CHD6: variants seen among roughly 807,000 people sequenced by gnomAD.
The protein encoded by CHD6 is ATP-dependent chromatin remodeler CHD6.
Under a neutral mutation model 276.9 loss-of-function variants are expected in CHD6, and 50 were observed. The ratio of observed to expected loss-of-function variants is 0.18; its 90% CI spans 0.14 to 0.23. CHD6 has a LOEUF of 0.23. Ranked by LOEUF, CHD6 falls within the 10% of genes least tolerant of loss-of-function variation. The probability of loss-of-function intolerance (pLI) is 1.00; values close to 1 mark genes in which losing one functional copy is unlikely to be tolerated. For missense variants in CHD6, 2,564 were observed against 3,365.8 expected (o/e 0.76, Z 5.89); for synonymous variants, 1,173 against 1,229.3 (o/e 0.95, Z 0.96).
chr20:41,419,589 A>AAAAAAAAAAAAAAAAC (rs2047119678), intron 31 of CHD6, among the ~76,000 whole-genome samples: 1 of 139,170 alleles, frequency 7.2e-6, no homozygotes, highest in South Asian at 2.3e-4. Context: ...AAAAAAAAAA[A>AAAAAAAAAAAAAAAAC]AAGGCTAGAT....
At chr20:41,409,892 T>C (rs532592426) in intron 36 of CHD6, among the ~76,000 whole-genome samples, 2 of 152,332 alleles carry the variant, frequency 1.3e-5, no homozygotes, top group South Asian at 4.1e-4. Context: ...AAAACCAATA[T>C]ATACATATGT....
chr20:41,519,380 G>T (rs1417433363), intron 3 of CHD6, among the ~76,000 whole-genome samples: 1 of 152,140 alleles, frequency 6.6e-6, no homozygotes, highest in African/African-American at 2.4e-5. Flanking sequence ...CTACTTACAG[G>T]AATGTAATCT....
chr20:41,433,998 A>C (rs2047624700), intron 27 of CHD6, among the ~76,000 whole-genome samples: 1 of 152,220 alleles, frequency 6.6e-6, no homozygotes, highest in Non-Finnish European at 1.5e-5. Flanking sequence ...AAACCAGAGG[A>C]AGGCAGGAAA....
At chr20:41,577,430 T>C (rs1222686965) in intron 1 of CHD6, among the ~76,000 whole-genome samples, 1 of 152,230 alleles carries the variant, frequency 6.6e-6, no homozygotes, top group Admixed American at 6.5e-5. Context: ...GCTACGTTTC[T>C]CTTGATTTTT....
intron 1 of CHD6, among the ~76,000 whole-genome samples, chr20:41,584,426 T>C (rs564246945): frequency 6.6e-6 from 1 of 152,272 alleles, no homozygotes; most frequent in South Asian, 2.1e-4. Flanking sequence ...CCATAGTGTG[T>C]AGAAAAAAAT....
chr20:41,568,461 TTAA>T (rs2045382943), intron 1 of CHD6, among the ~76,000 whole-genome samples: 1 of 152,172 alleles, frequency 6.6e-6, no homozygotes. Flanking sequence ...TTTGAGATAA[TTAA>T]TAAAAGAAAA....
At chr20:41,578,364 G>A (rs1395675669) in intron 1 of CHD6, among the ~76,000 whole-genome samples, 1 of 152,152 alleles carries the variant, frequency 6.6e-6, no homozygotes, top group Non-Finnish European at 1.5e-5. Flanking sequence ...AAAAGATATG[G>A]TGTATAGCGA....
chr20:41,448,143 T>A (rs1334173787), intron 23 of CHD6, among the ~76,000 whole-genome samples, 172 bp from the exon 24 acceptor site: 2 of 152,168 alleles, frequency 1.3e-5, no homozygotes, highest in African/African-American at 2.4e-5. Flanking sequence ...ATTATTATGA[T>A]CATTCCTATT....
chr20:41,598,870 T>C (rs2045745788), intron 1 of CHD6, among the ~76,000 whole-genome samples: 1 of 152,158 alleles, frequency 6.6e-6, no homozygotes, highest in Non-Finnish European at 1.5e-5. Context: ...GGGCAACACT[T>C]GCGCCCTAAT....
In CHD6 at chr20:41,493,862, C is replaced by T; in HGVS notation, c.1175G>A (p.Gly392Glu). The T allele has an allele frequency of 6.2e-7, 1 of 1,613,272 alleles. No individual in the cohort carries two copies. Among genetic ancestry groups the T allele is most frequent in the Non-Finnish European group, 8.5e-7 (1 of 1,179,386 alleles). ...TCAGGAGAGGCAAATACCCACCTCC[C>T]CTGTTTCTGCATCCTTGGTGTGGGC... ...EVAHTKDAETGEEVTHYLVKW... is the reference protein window; with the variant it reads ...EVAHTKDAETEEEVTHYLVKW... Residue 392 changes from glycine to glutamate, a missense_variant, in exon 9 of 37, where the codon GGG becomes GAG. Around this residue, in one of 7 missense-constraint regions of CHD6, gnomAD observed 457 missense variants for 889.0 expected, o/e 0.51. Transcript: ENST00000373233.
Position 41,437,343 on chromosome 20 carries a change from A to G in CHD6, c.4008-9T>C. On this transcript the variant is annotated splice_polypyrimidine_tract_variant and intron_variant, in intron 26 of 36. Coordinates refer to ENST00000373233, the MANE Select transcript of CHD6 (RefSeq NM_032221.5). The stretch of plus-strand genomic sequence containing the variant: ...CTTTATCTGTGTTGCCTCTAAATAA[A>G]AGTAAAAAAAGGCATCACATACTAC... 6.2e-7 allele frequency: 1 copy of G among 1,607,200 alleles called. No individual in the cohort carries two copies. The highest frequency in any genetic ancestry group is 1.1e-5 in the South Asian group (1 of 89,976).
chr20:41,592,064 A>AC (rs1428710146), intron 1 of CHD6, among the ~76,000 whole-genome samples: 2 of 152,166 alleles, frequency 1.3e-5, no homozygotes, highest in Non-Finnish European at 1.5e-5. Context: ...GTGCCGCTGC[A>AC]CTCCAGCCTG....
In CHD6 at chr20:41,412,148, A is replaced by G. The variant is rs141290755; in HGVS notation, c.7247T>C (p.Leu2416Pro). 9.2e-5 allele frequency: 149 copies of G among 1,614,124 alleles called. No individual in the cohort carries two copies. In the African/African-American group the frequency reaches 1.8e-3, roughly 19 times the overall value. ...RVPAIPKEPGLRGFLPENKFN... is the reference protein window; with the variant it reads ...RVPAIPKEPGPRGFLPENKFN... ...TCACGTGGCCTTCTTCCTTACCCTC[A>G]GTCCTGGCTCCTTGGGGATGGCAGG... Residue 2416 changes from leucine (L) to proline (P), a missense_variant, in exon 36 of 37, where the codon CTG becomes CCG. Transcript: ENST00000373233.
At chr20:41,555,490 C>T (rs1243048713) in intron 1 of CHD6, among the ~76,000 whole-genome samples, 3 of 151,354 alleles carry the variant, frequency 2.0e-5, no homozygotes, top group African/African-American at 4.9e-5. Context: ...GGCTGCCGGG[C>T]GGAGGGGCTC....
chr20:41,604,182 G>A (rs1031657734), intron 1 of CHD6, among the ~76,000 whole-genome samples: 9 of 152,150 alleles, frequency 5.9e-5, no homozygotes, highest in African/African-American at 2.2e-4. Flanking sequence ...GTTCAGTTTT[G>A]CACTTGGACA....
At chr20:41,518,275 T>C (rs1214002982) in intron 3 of CHD6, among the ~76,000 whole-genome samples, 1 of 152,238 alleles carries the variant, frequency 6.6e-6, no homozygotes, top group Non-Finnish European at 1.5e-5. Context: ...ATATTTATTG[T>C]GTGTATATGT....
rs2047327009 is a variant in CHD6, at chr20:41,425,332, G to C, written c.4192C>G (p.Leu1398Val). Residue 1398 changes from leucine (L) to valine (V), a missense_variant, in exon 29 of 37, where the codon CTC becomes GTC. Transcript: ENST00000373233. The part of the protein sequence containing the change: ...WPVSSALTAR[L>V]RRLVTVYQRC... ...TGGTAAACAGTGACCAGACGTCTGA[G>C]ACGAGCTGTGAGGGCGGAGGAAACT... is the stretch of plus-strand genomic sequence containing the variant. 6.2e-7 allele frequency: 1 copy of C among 1,614,114 alleles called. No individual in the cohort carries two copies. Among genetic ancestry groups the C allele is most frequent in the Non-Finnish European group, 8.5e-7 (1 of 1,180,046 alleles).
chr20:41,513,010 C>T lies in CHD6; in HGVS notation c.703-15G>A, dbSNP rs781635779. ...GAGCGTCGTTTCTGTAGGGCAAACA[C>T]ACCCGTCAGAGAAGCTCTCTGAGTG... On this transcript the variant is annotated splice_polypyrimidine_tract_variant and intron_variant, in intron 4 of 36. Transcript: ENST00000373233. 87 of 1,613,794 alleles carry T rather than the reference C, an allele frequency of 5.4e-5. No homozygotes were observed. Among genetic ancestry groups the T allele is most frequent in the Admixed American group, 3.3e-5 (2 of 60,004 alleles).
chr20:41,474,856 A>C (rs982386938), intron 16 of CHD6, among the ~76,000 whole-genome samples: 2 of 152,196 alleles, frequency 1.3e-5, no homozygotes, highest in Admixed American at 6.5e-5. Context: ...GACATGTATA[A>C]AGCAAAGAAA....
Sources: allele counts gnomAD v4.1 joint callset (sites outside exome capture counted in the v4.1 genomes callset), GRCh38; gene constraint gnomAD v4.1.1; regional missense constraint gnomAD v4.1.1; transcripts MANE v1.5; gene names NCBI Gene and HGNC (gene_info 2026-07-23, HGNC 2026-07-21).